PIEZO1: variants seen among roughly 807,000 people sequenced by gnomAD.
PIEZO1 encodes piezo type mechanosensitive ion channel component 1 (Er blood group), also known as piezo-type mechanosensitive ion channel component 1.
A neutral mutation model predicts 297.2 loss-of-function variants in PIEZO1; 296 were observed. The observed-to-expected ratio is 1.00, with a 90% CI of 0.91 to 1.10. The LOEUF (loss-of-function observed/expected upper bound fraction) is 1.10, where lower values mean the gene tolerates loss of function less well. Ranked by LOEUF, PIEZO1 falls within the 50% of genes least tolerant of loss-of-function variation. PIEZO1 has a pLI of 0.00. For missense variants in PIEZO1, 5,018 were observed against 3,455.5 expected (o/e 1.45, Z -11.34); for synonymous variants, 2,427 against 1,507.5 (o/e 1.61, Z -14.13).
At chr16:88,765,966 C>T (rs545940622) in intron 1 of PIEZO1, among the ~76,000 whole-genome samples, 1 of 152,108 alleles carries the variant, frequency 6.6e-6, no homozygotes, top group African/African-American at 2.4e-5. Flanking sequence ...GAGCACTGCA[C>T]CCGGCCGCTA....
intron 1 of PIEZO1, among the ~76,000 whole-genome samples, chr16:88,753,394 G>A (rs891579517): frequency 1.3e-5 from 2 of 150,546 alleles, no homozygotes; most frequent in Non-Finnish European, 3.0e-5. Flanking sequence ...GCCCTGGCTG[G>A]TCCCTGGCGC....
intron 5 of PIEZO1, 140 bp from the exon 6 acceptor site, chr16:88,738,876 G>C (rs1905445211): frequency 1.4e-6 from 1 of 724,124 alleles, no homozygotes; most frequent in Admixed American, 2.7e-5. Flanking sequence ...AGCCTCCCCG[G>C]GCACAGGCCC....
At chr16:88,744,516 G>C (rs539060669) in intron 2 of PIEZO1, among the ~76,000 whole-genome samples, 47 of 151,622 alleles carry the variant, frequency 3.1e-4, no homozygotes, top group South Asian at 8.4e-4. Context: ...GGAACTGCCT[G>C]ACCAGAGACC....
chr16:88,761,855 C>G (rs1906949533), intron 1 of PIEZO1, among the ~76,000 whole-genome samples: 1 of 152,114 alleles, frequency 6.6e-6, no homozygotes, highest in South Asian at 2.1e-4. Flanking sequence ...GGCTCCCCTG[C>G]AGGGTCAGGG....
intron 22 of PIEZO1, 25 bp from the exon 23 acceptor site, chr16:88,727,686 G>C (rs967361333): frequency 2.2e-5 from 28 of 1,265,360 alleles, no homozygotes; most frequent in Non-Finnish European, 2.8e-5. Flanking sequence ...GTCATGTCAG[G>C]AAGGGCCGGG....
intron 10 of PIEZO1, 107 bp from the exon 11 acceptor site, chr16:88,736,846 AG>A: frequency 1.5e-6 from 1 of 669,342 alleles, no homozygotes; most frequent in Admixed American, 3.1e-5. Flanking sequence ...CAGGAGAGAC[AG>A]GCCCCCGGTG....
chr16:88,715,623 C>G lies in PIEZO1; in HGVS notation c.7548G>C (p.Trp2516Cys). ...LYRSPETMIK[W>C]TREKE is the part of the protein sequence containing the mutation. Reference sequence around the variant, plus strand: ...GCAGCTCCTACTCCTTCTCACGAGTCCACTTGATCATGGTCTCCGGTGAGC... The same window carrying G: ...GCAGCTCCTACTCCTTCTCACGAGTGCACTTGATCATGGTCTCCGGTGAGC... The change falls in exon 51 of 51, where the codon TGG becomes TGC. Residue 2516 changes from tryptophan to cysteine, a missense_variant. Transcript: ENST00000301015. 1 of 1,550,074 alleles carries G rather than the reference C, an allele frequency of 6.5e-7. No individual in the cohort carries two copies. Among genetic ancestry groups the G allele is most frequent in the Non-Finnish European group, 8.7e-7 (1 of 1,146,894 alleles).
At chr16:88,749,041 T>G (rs369319400) in intron 2 of PIEZO1, among the ~76,000 whole-genome samples, 8 of 144,028 alleles carry the variant, frequency 5.6e-5, no homozygotes, top group Non-Finnish European at 9.1e-5. Context: ...ATCGAGACCA[T>G]CCTGGCTATC....
At chr16:88,746,673 G>C (rs528775056) in intron 2 of PIEZO1, among the ~76,000 whole-genome samples, 1 of 152,170 alleles carries the variant, frequency 6.6e-6, no homozygotes, top group Non-Finnish European at 1.5e-5. Context: ...CCGGAAAACT[G>C]GGCAGCATCT....
At chr16:88,762,678 C>T (rs1384588260) in intron 1 of PIEZO1, among the ~76,000 whole-genome samples, 1 of 152,218 alleles carries the variant, frequency 6.6e-6, no homozygotes, top group Non-Finnish European at 1.5e-5. Context: ...TCGGCCCTGA[C>T]CCTGAGCTGT....
At chr16:88,742,259 C>A in intron 3 of PIEZO1, 41 bp downstream of exon 3, 1 of 1,519,668 alleles carries the variant, frequency 6.6e-7, no homozygotes, top group Non-Finnish European at 8.8e-7. Context: ...CTCCCTGACC[C>A]CCAGGATGGC....
chr16:88,734,150 G>T, intron 16 of PIEZO1, 96 bp from the exon 17 acceptor site: 4 of 1,399,412 alleles, frequency 2.9e-6, no homozygotes, highest in Non-Finnish European at 3.8e-6. Context: ...TTCTGCTGCA[G>T]CTGCCAGTTC....
chr16:88,754,874 C>T (rs1906575212), intron 1 of PIEZO1, among the ~76,000 whole-genome samples: 1 of 152,236 alleles, frequency 6.6e-6, no homozygotes, highest in South Asian at 2.1e-4. Flanking sequence ...CAGAGACGAG[C>T]TGGGGGCATC....
At chr16:88,746,233 G>A (rs1462157750) in intron 2 of PIEZO1, among the ~76,000 whole-genome samples, 1 of 152,194 alleles carries the variant, frequency 6.6e-6, no homozygotes, top group Non-Finnish European at 1.5e-5. Context: ...GCAGAGCCGG[G>A]GGACCAGTGA....
chr16:88,772,597 G>T, intron 1 of PIEZO1, among the ~76,000 whole-genome samples: 1 of 152,110 alleles, frequency 6.6e-6, no homozygotes, highest in East Asian at 1.9e-4. Context: ...TGGACAACAT[G>T]GTAAAACCCC....
At position 88,721,393 on chromosome 16, in the gene PIEZO1, G is replaced by A. The variant is rs1312756636; in HGVS notation, c.5441C>T (p.Ser1814Phe). The A allele has an allele frequency of 3.2e-6, 5 of 1,549,950 alleles. No homozygotes were observed. Among genetic ancestry groups the A allele is most frequent in the Non-Finnish European group, 3.5e-6 (4 of 1,146,830 alleles). The change falls in exon 39 of 51, where the codon TCC (serine) becomes TTC (phenylalanine). Residue 1814 changes from serine (S) to phenylalanine (F), a missense_variant. Transcript: ENST00000301015. ...CTCGCCGCTCTTGTCATGCTCCTTG[G>A]ATGGTGAGTCCTCCTCATGGTCCCA... ...GLWDHEEDSP[S>F]KEHDKSGEEE... is the part of the protein sequence containing the mutation.
chr16:88,784,997 G>GCGGACGCC lies in PIEZO1; in HGVS notation c.-41_-34dup. Reference sequence around the variant, plus strand: ...GGGCCCAGGGCCCGGCCCAGACCGAGCGGACGCCGCGGCGCTATGGGGCGG... The same window carrying GCGGACGCC: ...GGGCCCAGGGCCCGGCCCAGACCGAGCGGACGCCCGGACGCCGCGGCGCTATGGGGCGG... On this transcript the variant is annotated 5_prime_UTR_variant, in exon 1 of 51. Coordinates refer to ENST00000301015, the MANE Select transcript of PIEZO1 (RefSeq NM_001142864.4). 8.3e-7 allele frequency: 1 copy of GCGGACGCC among 1,210,604 alleles called. No individual in the cohort carries two copies. Among genetic ancestry groups the GCGGACGCC allele is most frequent in the Non-Finnish European group, 1.0e-6 (1 of 969,126 alleles). The allele number at this position is 1,210,604 out of a possible 1,614,324, so 75.0% of individuals were successfully genotyped here.
chr16:88,721,406 C>T lies in PIEZO1; in HGVS notation c.5428G>A (p.Glu1810Lys). ...TCATGCTCCTTGGATGGTGAGTCCT[C>T]CTCATGGTCCCAGAGGCCATAGCAC... ...LLCYGLWDHE[E>K]DSPSKEHDKS... Residue 1810 changes from glutamate (E) to lysine (K), a missense_variant, in exon 39 of 51, where the codon GAG becomes AAG. Physicochemically the swap from Glu to Lys is moderately conservative, Grantham distance 56. Transcript: ENST00000301015. The T allele has an allele frequency of 1.3e-6, 2 of 1,549,760 alleles. No individual in the cohort carries two copies. The highest frequency in any genetic ancestry group is 2.0e-5 in the Admixed American group (1 of 50,966).
intron 1 of PIEZO1, among the ~76,000 whole-genome samples, chr16:88,783,143 G>A (rs1275792570): frequency 6.6e-6 from 1 of 152,160 alleles, no homozygotes; most frequent in African/African-American, 2.4e-5. Context: ...CCTCCCCAAG[G>A]AGGCCAAAAG....
Sources: gnomAD v4.1 joint callset for allele counts (sites outside exome capture counted in the v4.1 genomes callset) on GRCh38, gnomAD v4.1.1 for gene constraint, MANE v1.5 for transcripts, NCBI Gene and HGNC (gene_info 2026-07-23, HGNC 2026-07-21) for gene names.